Variants in CTNND2 observed in about 807,000 individuals in gnomAD.
CTNND2 encodes the protein catenin delta 2.
Under a neutral mutation model 144.4 loss-of-function variants are expected in CTNND2, and 22 were observed. That is an observed-to-expected ratio of 0.15 (90% CI 0.11 to 0.22). The LOEUF (loss-of-function observed/expected upper bound fraction) is 0.22. Among genes scored for constraint, CTNND2 ranks in the 10% least tolerant of loss-of-function variants. The pLI, the probability that CTNND2 is intolerant of heterozygous loss-of-function variation, is 1.00. For missense variants in CTNND2, 1,353 were observed against 1,618.8 expected (o/e 0.84, Z 2.82); for synonymous variants, 751 against 695.6 (o/e 1.08, Z -1.25).
intron 2 of CTNND2, among the ~76,000 whole-genome samples, chr5:11,656,006 T>TA (rs36109972): frequency 6.2e-4 from 93 of 149,436 alleles, no homozygotes; most frequent in South Asian, 1.5e-3. Context: ...TTTGATTCAG[T>TA]AAAAAAAAAA....
chr5:11,057,473 C>A (rs1746455566), intron 16 of CTNND2, among the ~76,000 whole-genome samples: 1 of 152,218 alleles, frequency 6.6e-6, no homozygotes, highest in Non-Finnish European at 1.5e-5. Flanking sequence ...TGCTGCCATC[C>A]ACGTAAGATG....
chr5:11,290,215 C>T (rs1032049068), intron 9 of CTNND2, among the ~76,000 whole-genome samples: 1 of 152,168 alleles, frequency 6.6e-6, no homozygotes, highest in Non-Finnish European at 1.5e-5. Flanking sequence ...CACTCTCTTG[C>T]TACATAAGTC....
intron 9 of CTNND2, among the ~76,000 whole-genome samples, chr5:11,326,854 T>A (rs1274736950): frequency 6.6e-6 from 1 of 152,038 alleles, no homozygotes; most frequent in African/African-American, 2.4e-5. Context: ...TTCAGATCAG[T>A]AGGTGGGTGG....
intron 1 of CTNND2, among the ~76,000 whole-genome samples, chr5:11,891,912 TGGAAATATTTATGCCCTTA>T (rs911448618): frequency 3.3e-5 from 5 of 152,350 alleles, no homozygotes; most frequent in African/African-American, 7.2e-5. Flanking sequence ...TTATTAAATT[TGGAAATATTTATGCCCTTA>T]GGAAATATTT....
chr5:11,601,921 T>A (rs968751781), intron 2 of CTNND2, among the ~76,000 whole-genome samples: 5 of 152,070 alleles, frequency 3.3e-5, no homozygotes, highest in Non-Finnish European at 5.9e-5. Context: ...TCTCAGAACA[T>A]TCACCAGAAC....
chr5:11,461,743 A>T (rs1462998046), intron 3 of CTNND2, among the ~76,000 whole-genome samples: 1 of 152,244 alleles, frequency 6.6e-6, no homozygotes, highest in East Asian at 1.9e-4. Context: ...ACATTTAAGA[A>T]AATTTCAAAT....
At chr5:11,431,820 G>T (rs1247755518) in intron 3 of CTNND2, among the ~76,000 whole-genome samples, 1 of 152,094 alleles carries the variant, frequency 6.6e-6, no homozygotes, top group African/African-American at 2.4e-5. Flanking sequence ...AAGTAACTTG[G>T]TGTTGTTAAA....
intron 3 of CTNND2, among the ~76,000 whole-genome samples, chr5:11,541,392 A>G (rs1774719458): frequency 6.6e-6 from 1 of 152,230 alleles, no homozygotes; most frequent in Admixed American, 6.5e-5. Flanking sequence ...ATTCAGAGGA[A>G]AAGTTCTTTT....
rs1357951094 is a variant in CTNND2, at chr5:11,091,787, AT to A, written c.2637+6787del. On this transcript the variant is annotated intron_variant, in intron 15 of 21. Transcript: ENST00000304623. ...TCTCTGGCTCTTGAGAACATGCACT[AT>A]ATGCACCCCCACATGAGTGTCCGAT... is the stretch of plus-strand genomic sequence containing the variant. 2.6e-5 allele frequency among the ~76,000 whole-genome samples: 4 copies of A among 152,146 alleles called. No homozygotes were observed. In the East Asian group the frequency reaches 7.7e-4, roughly 29 times the overall value.
chr5:11,424,306 T>C (rs942865263), intron 3 of CTNND2, among the ~76,000 whole-genome samples: 1 of 152,016 alleles, frequency 6.6e-6, no homozygotes, highest in Non-Finnish European at 1.5e-5. Flanking sequence ...AACAGATCAG[T>C]AGTTGTCAGG....
At chr5:11,412,899 C>T (rs1935534367) in intron 3 of CTNND2, among the ~76,000 whole-genome samples, 1 of 152,134 alleles carries the variant, frequency 6.6e-6, no homozygotes, top group African/African-American at 2.4e-5. Context: ...GTTCAAGCAG[C>T]TTCTCTGAAT....
chr5:11,865,156 A>G (rs1795700976), intron 1 of CTNND2, among the ~76,000 whole-genome samples: 1 of 152,068 alleles, frequency 6.6e-6, no homozygotes, highest in Non-Finnish European at 1.5e-5. Context: ...CGGCCTCCCA[A>G]AGTGTTGGGA....
intron 2 of CTNND2, among the ~76,000 whole-genome samples, chr5:11,694,218 G>A (rs932640959): frequency 2.0e-5 from 3 of 152,054 alleles, no homozygotes; most frequent in Non-Finnish European, 2.9e-5. Flanking sequence ...GGTGGATCAC[G>A]AGGTCAGGAG....
rs537830223 is a variant in CTNND2, at chr5:11,066,229, G to A, written c.2788+16467C>T. Reference sequence around the variant, plus strand: ...TAATTTTTGTATTTTTAGTAGAGATGGGGTTCCACCATGTTGGCCAGGATG... The same window carrying A: ...TAATTTTTGTATTTTTAGTAGAGATAGGGTTCCACCATGTTGGCCAGGATG... On this transcript the variant is annotated intron_variant, in intron 16 of 21. Transcript: ENST00000304623. Among the ~76,000 whole-genome samples the A allele has an allele frequency of 2.6e-5, 4 of 152,176 alleles. No homozygotes were observed. The South Asian group carries it at 6.2e-4, about 24-fold the overall frequency.
intron 10 of CTNND2, among the ~76,000 whole-genome samples, chr5:11,226,033 A>T (rs188893233): frequency 3.0e-4 from 45 of 152,326 alleles, no homozygotes; most frequent in African/African-American, 1.0e-3. Flanking sequence ...AGCAGAAGCC[A>T]GGCAGAGGCA....
At chr5:11,851,666 A>C in intron 1 of CTNND2, among the ~76,000 whole-genome samples, 1 of 152,308 alleles carries the variant, frequency 6.6e-6, no homozygotes, top group South Asian at 2.1e-4. Context: ...ACAGGCAATC[A>C]TGTTTGTATT....
At chr5:11,676,454 T>A (rs975177717) in intron 2 of CTNND2, among the ~76,000 whole-genome samples, 2 of 152,006 alleles carry the variant, frequency 1.3e-5, no homozygotes, top group Non-Finnish European at 2.9e-5. Flanking sequence ...GGGGTGAAAG[T>A]CCGTGAGTTA....
At chr5:11,702,658 G>A (rs1363113097) in intron 2 of CTNND2, among the ~76,000 whole-genome samples, 1 of 152,166 alleles carries the variant, frequency 6.6e-6, no homozygotes, top group Admixed American at 6.5e-5. Context: ...CGGATCCTAG[G>A]GTGGAAATCT....
At position 10,973,269 on chromosome 5, in the gene CTNND2, A is replaced by C. The variant is rs2149475642; in HGVS notation, c.*184T>G. The C allele has an allele frequency of 1.6e-6, 1 of 607,236 alleles. No individual in the cohort carries two copies. The highest frequency in any genetic ancestry group is 3.1e-5 in the East Asian group (1 of 32,274). The allele number at this position is 607,236 out of a possible 1,614,324, so 37.6% of individuals were successfully genotyped here. A position where few individuals can be genotyped will look rare whatever the true frequency, so the allele number is the denominator to read the frequency against. Reference sequence around the variant, plus strand: ...CACTTTAGCTTTCTACTGATTTCCAAGTTAACTTGCGATTCATTTAGCTTT... The same window carrying C: ...CACTTTAGCTTTCTACTGATTTCCACGTTAACTTGCGATTCATTTAGCTTT... On this transcript the variant is annotated 3_prime_UTR_variant, in exon 22 of 22. Transcript: ENST00000304623. The surrounding 1 kb of genome is among the most constrained non-coding windows in gnomAD (Gnocchi z 5.6).
Sources: gnomAD v4.1 joint callset for allele counts (sites outside exome capture counted in the v4.1 genomes callset) on GRCh38, gnomAD v4.1.1 for gene constraint, Gnocchi (gnomAD v3.1) non-coding constraint, MANE v1.5 for transcripts, NCBI Gene and HGNC (gene_info 2026-07-23, HGNC 2026-07-21) for gene names.